Variants in PCYOX1L observed in about 807,000 individuals in gnomAD.
PCYOX1L encodes prenylcysteine oxidase 1-like.
Under a neutral mutation model 44.1 loss-of-function variants are expected in PCYOX1L, and 40 were observed. The ratio of observed to expected loss-of-function variants is 0.91; its 90% CI spans 0.70 to 1.18. The LOEUF is 1.18. Ranked by LOEUF, PCYOX1L falls within the 50% of genes most tolerant of loss-of-function variation. The probability of loss-of-function intolerance (pLI) is 0.00; values close to 1 mark genes in which losing one functional copy is unlikely to be tolerated. For missense variants in PCYOX1L, 605 were observed against 653.3 expected, an observed-to-expected ratio of 0.93 and a Z score of 0.81; for synonymous variants, 266 against 282.8, an observed-to-expected ratio of 0.94 and a Z score of 0.60.
Position 149,362,662 on chromosome 5 carries a change from C to G in PCYOX1L, c.114C>G (p.Gly38=), listed in dbSNP as rs1167714281. 6.2e-7 allele frequency: 1 copy of G among 1,614,210 alleles called. No homozygotes were observed. Among genetic ancestry groups the G allele is most frequent in the South Asian group, 1.1e-5 (1 of 91,088 alleles). Reference sequence around the variant, plus strand: ...CGGTGGTTGGGGCTGGGATTGGGGGCTCTGCTGTGGCCCATTTTCTCCAGC... The same window carrying G: ...CGGTGGTTGGGGCTGGGATTGGGGGGTCTGCTGTGGCCCATTTTCTCCAGC... ...KIAVVGAGIG[G]SAVAHFLQQH... Residue 38 remains glycine, a synonymous_variant, in exon 2 of 6, where the codon GGC becomes GGG. Transcript: ENST00000274569.
At chr5:149,363,051 G>A (rs958572670) in intron 2 of PCYOX1L, 2 of 703,934 alleles carry the variant, frequency 2.8e-6, no homozygotes, top group African/African-American at 3.5e-5. Flanking sequence ...TAGAACTCAG[G>A]TTTGACTCCT....
At position 149,358,116 on chromosome 5, in the gene PCYOX1L, C is replaced by T. The variant is rs1437554711; in HGVS notation, c.48C>T (p.Ala16=). 4.8e-6 allele frequency: 7 copies of T among 1,455,794 alleles called. No homozygotes were observed. The highest frequency in any genetic ancestry group is 1.3e-5 in the South Asian group (1 of 75,282). 90.2% of individuals were successfully genotyped at this position (1,455,794 alleles called of 1,614,324 possible). ...TCGCCGCGTTGACCGCGCTCCTCGC[C>T]GCCGCCGCTGCTGGCGGAGATGCCC... ...PLLAALTALL[A]AAAAGGDAPP... is the part of the protein sequence containing the mutation. Residue 16 remains alanine, a synonymous_variant, in exon 1 of 6, where the codon GCC becomes GCT. Coordinates refer to ENST00000274569, the MANE Select transcript of PCYOX1L (RefSeq NM_024028.4).
chr5:149,363,673 A>G, intron 2 of PCYOX1L: 1 of 259,936 alleles, frequency 3.8e-6, no homozygotes, highest in East Asian at 9.1e-5. Flanking sequence ...CAAGTTGCAG[A>G]GTGCAGGATG....
rs1758320818 is a variant in PCYOX1L, at chr5:149,368,617, A to G, written c.1448A>G (p.Gln483Arg). ...RWYQDLDKIDQKDLMHKVKTE... is the reference protein window; with the variant it reads ...RWYQDLDKIDRKDLMHKVKTE... ...TACCAGGACCTAGACAAGATTGATC[A>G]AAAAGATTTGATGCACAAGGTCAAG... is the stretch of plus-strand genomic sequence containing the variant. The change falls in exon 6 of 6, where the codon CAA becomes CGA. Residue 483 changes from glutamine (Q) to arginine (R), a missense_variant. Coordinates refer to ENST00000274569, the MANE Select transcript of PCYOX1L (RefSeq NM_024028.4). 1 of 1,528,590 alleles carries G rather than the reference A, an allele frequency of 6.5e-7. No individual in the cohort carries two copies. Among genetic ancestry groups the G allele is most frequent in the East Asian group, 2.3e-5 (1 of 44,336 alleles). 94.7% of individuals were successfully genotyped at this position (1,528,590 alleles called of 1,614,324 possible). A position where few individuals can be genotyped will look rare whatever the true frequency, so the allele number is the denominator to read the frequency against.
intron 4 of PCYOX1L, among the ~76,000 whole-genome samples, chr5:149,366,580 C>G (rs1481038780): frequency 1.3e-5 from 2 of 152,192 alleles, no homozygotes; most frequent in Non-Finnish European, 2.9e-5. Context: ...CTAGCACAGA[C>G]CACAGGAGTG....
chr5:149,367,972 T>TA (rs1758275857), intron 5 of PCYOX1L, 21 bp from the exon 6 acceptor site: 1 of 1,520,468 alleles, frequency 6.6e-7, no homozygotes, highest in African/African-American at 1.4e-5. Context: ...AAAGTTGACT[T>TA]TTGTGCTCTT....
chr5:149,368,636 G>A lies in PCYOX1L; in HGVS notation c.1467G>A (p.Lys489=), dbSNP rs781311195. ...DKIDQKDLMH[K]VKTEL ...TTGATCAAAAAGATTTGATGCACAA[G>A]GTCAAGACTGAACTGTGAGGGCTCT... The change falls in exon 6 of 6, where the codon AAG becomes AAA. Residue 489 remains lysine (K), a synonymous_variant. Transcript: ENST00000274569. 23 of 1,519,186 alleles carry A rather than the reference G, an allele frequency of 1.5e-5. No homozygotes were observed. Among genetic ancestry groups the A allele is most frequent in the Middle Eastern group, 1.8e-4 (1 of 5,650 alleles). The allele number at this position is 1,519,186 out of a possible 1,614,324, so 94.1% of individuals were successfully genotyped here.
chr5:149,363,025 G>C, intron 2 of PCYOX1L, 182 bp downstream of exon 2: 1 of 759,466 alleles, frequency 1.3e-6, no homozygotes, highest in South Asian at 1.5e-5. Flanking sequence ...CAGTGAGTTA[G>C]TTGCAGAGCC....
Position 149,358,088 on chromosome 5 carries a change from T to C in PCYOX1L, c.20T>C (p.Leu7Pro). 7.0e-7 allele frequency: 1 copy of C among 1,436,780 alleles called. No individual in the cohort carries two copies. The highest frequency in any genetic ancestry group is 1.4e-5 in the South Asian group (1 of 72,300). 89.0% of individuals were successfully genotyped at this position (1,436,780 alleles called of 1,614,324 possible). MARAAP[L>P]LAALTALLAA... ...CCCGCCATGGCCCGCGCAGCCCCGC[T>C]GCTCGCCGCGTTGACCGCGCTCCTC... Residue 7 changes from leucine to proline, a missense_variant, in exon 1 of 6, where the codon CTG (leucine) becomes CCG (proline). By Grantham distance (98) the Leu-to-Pro change is moderately conservative (BLOSUM62 -3). Coordinates refer to ENST00000274569, the MANE Select transcript of PCYOX1L (RefSeq NM_024028.4).
At chr5:149,367,568 T>C (rs775012668) in intron 5 of PCYOX1L, 68 bp downstream of exon 5, 3 of 1,587,240 alleles carry the variant, frequency 1.9e-6, no homozygotes, top group Non-Finnish European at 1.7e-6. Context: ...TTCTGCCTCC[T>C]TTGTACCTCA....
rs753335006 is a variant in PCYOX1L at position 149,366,074 on chromosome 5, G to A, written c.603G>A (p.Thr201=). The A allele has an allele frequency of 1.7e-5, 28 of 1,614,096 alleles. No homozygotes were observed. The highest frequency in any genetic ancestry group is 1.6e-4 in the Middle Eastern group (1 of 6,082). ...AGTCCCTGCTGCAGGTGGGCGTCAC[G>A]CAGCGCTTTATTGATGATGTCGTTT... ...VAESLLQVGV[T]QRFIDDVVSA... The change falls in exon 4 of 6, where the codon ACG becomes ACA. Residue 201 remains threonine, a synonymous_variant. Transcript: ENST00000274569.
intron 1 of PCYOX1L, among the ~76,000 whole-genome samples, chr5:149,360,167 A>G (rs1208646572): frequency 1.3e-5 from 2 of 152,224 alleles, no homozygotes; most frequent in Non-Finnish European, 2.9e-5. Context: ...CTAATTGCGC[A>G]GGAGTCTGTC....
intron 1 of PCYOX1L, 69 bp downstream of exon 1, chr5:149,358,225 C>T: frequency 1.5e-6 from 2 of 1,339,380 alleles, no homozygotes; most frequent in Non-Finnish European, 1.9e-6. Context: ...CAGTTCTCAG[C>T]TAGGTGGGGT....
At chr5:149,367,291 C>T (rs955797736) in intron 4 of PCYOX1L, 69 bp from the exon 5 acceptor site, 4 of 1,544,154 alleles carry the variant, frequency 2.6e-6, no homozygotes, top group Non-Finnish European at 3.5e-6. Context: ...TCGAATAGTA[C>T]TGGACTCCCC....
In PCYOX1L at chr5:149,362,774, C is replaced by T; in HGVS notation, c.226C>T (p.His76Tyr). ...RLATISVNKQ[H>Y]YESGAASFHS... ...GGCCACCATCTCAGTCAACAAGCAG[C>T]ACTATGAGAGCGGGGCTGCCTCCTT... is the stretch of plus-strand genomic sequence containing the variant. Residue 76 changes from histidine (H) to tyrosine (Y), a missense_variant, in exon 2 of 6, where the codon CAC (histidine) becomes TAC (tyrosine). Transcript: ENST00000274569. The T allele has an allele frequency of 6.2e-7, 1 of 1,614,150 alleles. No homozygotes were observed. The highest frequency in any genetic ancestry group is 8.5e-7 in the Non-Finnish European group (1 of 1,180,034).
At position 149,368,035 on chromosome 5, in the gene PCYOX1L, G is replaced by A. The variant is rs1437325915; in HGVS notation, c.866G>A (p.Gly289Asp). 6.4e-7 allele frequency: 1 copy of A among 1,561,834 alleles called. No individual in the cohort carries two copies. The highest frequency in any genetic ancestry group is 8.6e-7 in the Non-Finnish European group (1 of 1,156,988). Residue 289 changes from glycine to aspartate, a missense_variant, in exon 6 of 6, where the codon GGC becomes GAC. Coordinates refer to ENST00000274569, the MANE Select transcript of PCYOX1L (RefSeq NM_024028.4). ...LYQVAYENEV[G>D]NSSDFYDIVV... ...CAGGTGGCGTATGAGAATGAGGTAGGCAACAGCTCTGACTTCTATGACATC... is the reference window on the plus strand; with the variant it reads ...CAGGTGGCGTATGAGAATGAGGTAGACAACAGCTCTGACTTCTATGACATC...
chr5:149,362,951 C>T, intron 2 of PCYOX1L, 108 bp downstream of exon 2: 1 of 1,227,512 alleles, frequency 8.1e-7, no homozygotes, highest in Non-Finnish European at 1.2e-6. Flanking sequence ...TCATGTGGCC[C>T]AATCTCATTT....
At chr5:149,359,062 T>C (rs1757935326) in intron 1 of PCYOX1L, among the ~76,000 whole-genome samples, 1 of 149,806 alleles carries the variant, frequency 6.7e-6, no homozygotes, top group Admixed American at 6.7e-5. Flanking sequence ...TTACAGTTGC[T>C]TTTTTTTTTC....
At position 149,367,926 on chromosome 5, in the gene PCYOX1L, AC is replaced by A. The variant is rs891468838; in HGVS notation, c.824-63del. On this transcript the variant is annotated intron_variant, in intron 5 of 5. Transcript: ENST00000274569. ...GGGTCTCGTTGTACCTCAATGCTGG[AC>A]CCCAGTAGGGAGTTCAGTGGGTAGA... 8.1e-6 allele frequency: 12 copies of A among 1,481,704 alleles called. 1 individual carries two copies. The African/African-American group carries it at 1.6e-4, about 19-fold the overall frequency. 91.8% of individuals were successfully genotyped at this position (1,481,704 alleles called of 1,614,324 possible).
Sources: allele counts gnomAD v4.1 joint callset (sites outside exome capture counted in the v4.1 genomes callset), GRCh38; gene constraint gnomAD v4.1.1; transcripts MANE v1.5; gene names NCBI Gene and HGNC (gene_info 2026-07-23, HGNC 2026-07-21).